Variants in LRRTM4 observed in about 807,000 individuals in gnomAD.
LRRTM4 encodes leucine rich repeat transmembrane neuronal 4, also known as leucine-rich repeat transmembrane neuronal protein 4.
Under a neutral mutation model 47.6 loss-of-function variants are expected in LRRTM4, and 25 were observed. The ratio of observed to expected loss-of-function variants is 0.53; its 90% CI spans 0.38 to 0.73. The LOEUF (loss-of-function observed/expected upper bound fraction) is 0.73. LRRTM4 is among the 30% of genes least tolerant of loss of function. The pLI, the probability that LRRTM4 is intolerant of heterozygous loss-of-function variation, is 0.00. For synonymous variants in LRRTM4, 311 were observed against 269.5 expected, an observed-to-expected ratio of 1.15 and a Z score of -1.51; for missense variants, 638 against 713.4, an observed-to-expected ratio of 0.89 and a Z score of 1.20.
At chr2:77,012,229 A>G (rs544929149) in intron 3 of LRRTM4, among the ~76,000 whole-genome samples, 2 of 152,274 alleles carry the variant, frequency 1.3e-5, no homozygotes, top group African/African-American at 4.8e-5. Flanking sequence ...GGTCCTGTCA[A>G]AACTGGAATA....
chr2:77,120,412 T>C (rs1167416492), intron 3 of LRRTM4, among the ~76,000 whole-genome samples: 1 of 151,790 alleles, frequency 6.6e-6, no homozygotes, highest in East Asian at 1.9e-4. Flanking sequence ...TGAAGGGTGA[T>C]AGTGAGAATT....
At chr2:77,051,159 G>T (rs1030768051) in intron 3 of LRRTM4, among the ~76,000 whole-genome samples, 2 of 151,848 alleles carry the variant, frequency 1.3e-5, no homozygotes, top group Admixed American at 6.6e-5. Flanking sequence ...TTGTCATCTA[G>T]TGGGCAAAGA....
At chr2:76,828,145 C>T (rs1345990430) in intron 3 of LRRTM4, among the ~76,000 whole-genome samples, 2 of 151,878 alleles carry the variant, frequency 1.3e-5, no homozygotes, top group African/African-American at 2.4e-5. Context: ...GAATTATCTC[C>T]TGTGAATTTC....
At chr2:76,957,375 G>T (rs150279388) in intron 3 of LRRTM4, among the ~76,000 whole-genome samples, 7 of 151,636 alleles carry the variant, frequency 4.6e-5, no homozygotes, top group Non-Finnish European at 7.4e-5. Flanking sequence ...TACTGTACAC[G>T]TATGTTAAAA....
At chr2:76,773,921 G>A (rs548270416) in intron 3 of LRRTM4, among the ~76,000 whole-genome samples, 12 of 151,286 alleles carry the variant, frequency 7.9e-5, no homozygotes, top group Admixed American at 2.0e-4. Context: ...CTTAAATTCC[G>A]TTAATGATAA....
rs550516954 is a variant in LRRTM4 at position 77,035,223 on chromosome 2, C to A, written c.1552-286307G>T. Among the ~76,000 whole-genome samples the A allele has an allele frequency of 9.2e-5, 14 of 151,536 alleles. No individual in the cohort carries two copies. In the South Asian group the frequency reaches 2.7e-3, roughly 29 times the overall value. ...GCTATCCCTCCCCTTCCCCCCACCC[C>A]GGTGTGTGATGTCCAGATTCACACA... On this transcript the variant is annotated intron_variant, in intron 3 of 3. Transcript: ENST00000409884.
chr2:77,367,201 T>C (rs1460759233), intron 3 of LRRTM4, among the ~76,000 whole-genome samples: 2 of 151,662 alleles, frequency 1.3e-5, no homozygotes, highest in East Asian at 3.9e-4. Flanking sequence ...TAAGAAGTTT[T>C]CCTATCCTCC....
At chr2:77,031,240 TA>T (rs2104139095) in intron 3 of LRRTM4, among the ~76,000 whole-genome samples, 1 of 152,298 alleles carries the variant, frequency 6.6e-6, no homozygotes, top group African/African-American at 2.4e-5. Flanking sequence ...TTTGTGTAGC[TA>T]AGTGTACTAT....
At position 76,831,112 on chromosome 2, in the gene LRRTM4, C is replaced by G. The variant is rs554598228; in HGVS notation, c.1552-82196G>C. ...GATGCTGCTAGTAGAGATTGCCTTT[C>G]TTTAATTTTATTTGTAATTTTGAAA... On this transcript the variant is annotated intron_variant, in intron 3 of 3. Coordinates refer to ENST00000409884, the MANE Select transcript of LRRTM4 (RefSeq NM_001134745.3). Among the ~76,000 whole-genome samples the G allele has an allele frequency of 5.9e-5, 9 of 152,110 alleles. 1 individual carries two copies. The highest frequency in any genetic ancestry group is 1.3e-4 in the Admixed American group (2 of 15,234).
At chr2:76,820,298 T>A (rs1329722364) in intron 3 of LRRTM4, among the ~76,000 whole-genome samples, 1 of 151,862 alleles carries the variant, frequency 6.6e-6, no homozygotes, top group Non-Finnish European at 1.5e-5. Flanking sequence ...GGACTTACTT[T>A]CTTCTCATTT....
chr2:77,112,332 T>C (rs1671273852), intron 3 of LRRTM4, among the ~76,000 whole-genome samples: 1 of 152,222 alleles, frequency 6.6e-6, no homozygotes, highest in Admixed American at 6.5e-5. Context: ...CAAGAAAGAA[T>C]TTAAGCCACC....
At chr2:77,461,932 A>G (rs535823551) in intron 3 of LRRTM4, among the ~76,000 whole-genome samples, 60 of 152,206 alleles carry the variant, frequency 3.9e-4, no homozygotes, top group African/African-American at 1.4e-3. Context: ...TTCTGTATGT[A>G]TTAATTAACA....
chr2:76,945,754 A>AGTGT (rs71376806), intron 3 of LRRTM4, among the ~76,000 whole-genome samples: 31,450 of 150,244 alleles, frequency 0.21, 3,676 homozygotes, highest in East Asian at 0.4. Flanking sequence ...AGTGTGTAGA[A>AGTGT]GTGTGTGTGT....
At chr2:77,310,931 CATATAT>C (rs1329902938) in intron 3 of LRRTM4, among the ~76,000 whole-genome samples, 1 of 150,806 alleles carries the variant, frequency 6.6e-6, no homozygotes, top group Non-Finnish European at 1.5e-5. Flanking sequence ...CATACACACA[CATATAT>C]ATAGAGAGAA....
chr2:77,037,750 G>T (rs556492939), intron 3 of LRRTM4, among the ~76,000 whole-genome samples: 1 of 151,754 alleles, frequency 6.6e-6, no homozygotes, highest in African/African-American at 2.4e-5. Context: ...TTGCTTATTT[G>T]TTTTCAGCTT....
At chr2:77,326,047 A>T (rs1670762385) in intron 3 of LRRTM4, among the ~76,000 whole-genome samples, 1 of 152,184 alleles carries the variant, frequency 6.6e-6, no homozygotes, top group African/African-American at 2.4e-5. Flanking sequence ...TCCTCATTTG[A>T]GAAATGCGCT....
At chr2:76,941,794 G>A (rs1315079644) in intron 3 of LRRTM4, among the ~76,000 whole-genome samples, 3 of 152,160 alleles carry the variant, frequency 2.0e-5, no homozygotes, top group African/African-American at 4.8e-5. Context: ...TGTCTTTAGA[G>A]TAGAATGATT....
At chr2:77,241,444 T>G (rs2103990990) in intron 3 of LRRTM4, among the ~76,000 whole-genome samples, 1 of 152,196 alleles carries the variant, frequency 6.6e-6, no homozygotes, top group African/African-American at 2.4e-5. Flanking sequence ...CATAACTGAC[T>G]ATCATAACAA....
chr2:76,977,080 C>T (rs114468709), intron 3 of LRRTM4, among the ~76,000 whole-genome samples: 1 of 151,414 alleles, frequency 6.6e-6, no homozygotes, highest in African/African-American at 2.4e-5. Flanking sequence ...TCACTTTCAG[C>T]AAAACTCTTA....
Sources: gnomAD v4.1 joint callset for allele counts (sites outside exome capture counted in the v4.1 genomes callset) on GRCh38, gnomAD v4.1.1 for gene constraint, MANE v1.5 for transcripts, NCBI Gene and HGNC (gene_info 2026-07-23, HGNC 2026-07-21) for gene names.